The following MYOM1 variants were observed in gnomAD, a reference collection of about 807,000 sequenced individuals.
The protein encoded by MYOM1 is myomesin-1.
Under a neutral mutation model 205.3 loss-of-function variants are expected in MYOM1, and 164 were observed. The observed-to-expected ratio is 0.80, with a 90% CI of 0.70 to 0.91. The LOEUF (loss-of-function observed/expected upper bound fraction) is 0.91. Ranked by LOEUF, MYOM1 falls within the 40% of genes least tolerant of loss-of-function variation. The pLI is 0.00. For synonymous variants in MYOM1, 772 were observed against 789.4 expected (o/e 0.98, Z 0.37); for missense variants, 2,011 against 2,127.3 (o/e 0.95, Z 1.08).
chr18:3,162,849 C>A (rs1300172323), intron 10 of MYOM1, among the ~76,000 whole-genome samples: 1 of 152,014 alleles, frequency 6.6e-6, no homozygotes, highest in Non-Finnish European at 1.5e-5. Flanking sequence ...CACGGTGAAA[C>A]CCCATCTCTA....
intron 1 of MYOM1, among the ~76,000 whole-genome samples, chr18:3,217,816 C>T (rs1051880777): frequency 6.6e-6 from 1 of 151,850 alleles, no homozygotes; most frequent in African/African-American, 2.4e-5. Flanking sequence ...GACCTTGTCT[C>T]TATTATAAAA....
At chr18:3,083,595 A>ATTTT (rs59299057) in intron 33 of MYOM1, among the ~76,000 whole-genome samples, 194 bp downstream of exon 33, 3 of 107,116 alleles carry the variant, frequency 2.8e-5, no homozygotes, top group African/African-American at 7.0e-5. Flanking sequence ...CGCCCAGCTC[A>ATTTT]TTTTTTTTTT....
chr18:3,145,865 A>C (rs953242025), intron 13 of MYOM1, among the ~76,000 whole-genome samples: 4 of 152,134 alleles, frequency 2.6e-5, no homozygotes, highest in Non-Finnish European at 5.9e-5. Context: ...ACATCAATAA[A>C]GTTGATAAAC....
rs2079122720 is a variant in MYOM1 at position 3,084,157 on chromosome 18, C to T, written c.4340-130G>A. The T allele has an allele frequency of 1.4e-5, 12 of 873,210 alleles. No individual in the cohort carries two copies. In the South Asian group the frequency reaches 1.6e-4, roughly 12 times the overall value. 54.1% of individuals were successfully genotyped at this position (873,210 alleles called of 1,614,324 possible). A position where few individuals can be genotyped will look rare whatever the true frequency, so the allele number is the denominator to read the frequency against. On this transcript the variant is annotated intron_variant, in intron 31 of 37. Transcript: ENST00000356443. ...AATGGAAACAAGGTGAATTTGTCGA[C>T]CCACTGATAATGAGTATTCTTTGAG...
chr18:3,073,253 G>A lies in MYOM1; in HGVS notation c.4709-1364C>T, dbSNP rs371466341. Among the ~76,000 whole-genome samples, 5 of 152,156 alleles carry A rather than the reference G, an allele frequency of 3.3e-5. No homozygotes were observed. The South Asian group carries it at 6.2e-4, about 19-fold the overall frequency. On this transcript the variant is annotated intron_variant, in intron 36 of 37. Coordinates refer to ENST00000356443, the MANE Select transcript of MYOM1 (RefSeq NM_003803.4). ...GGGGACGAGGCACAGGATGGGTGCTGGGATCCTGGGTGCCCTCAGCCAAGC... is the reference window on the plus strand; with the variant it reads ...GGGGACGAGGCACAGGATGGGTGCTAGGATCCTGGGTGCCCTCAGCCAAGC...
chr18:3,103,532 TTTATAC>T (rs2079409792), intron 22 of MYOM1, among the ~76,000 whole-genome samples: 1 of 152,192 alleles, frequency 6.6e-6, no homozygotes, highest in Admixed American at 6.5e-5. Context: ...TCTACTCAGA[TTTATAC>T]TCATTCAATT....
chr18:3,206,484 G>T (rs1184888710), intron 2 of MYOM1, among the ~76,000 whole-genome samples: 1 of 152,186 alleles, frequency 6.6e-6, no homozygotes, highest in Non-Finnish European at 1.5e-5. Context: ...TTAGGACCCT[G>T]TGCAGAGTCG....
At position 3,189,210 on chromosome 18, in the gene MYOM1, T is replaced by A; in HGVS notation, c.432-123A>T. On this transcript the variant is annotated intron_variant, in intron 3 of 37. Coordinates refer to ENST00000356443, the MANE Select transcript of MYOM1 (RefSeq NM_003803.4). The surrounding 1 kb of genome is among the most constrained non-coding windows in gnomAD (Gnocchi z 4.8). ...TCCTGCACCAAAAGAAAATCCGACA[T>A]AGAAAAAGCAGGTGAATCAGAAGCT... 1 of 908,092 alleles carries A rather than the reference T, an allele frequency of 1.1e-6. No individual in the cohort carries two copies. Among genetic ancestry groups the A allele is most frequent in the Non-Finnish European group, 1.6e-6 (1 of 616,728 alleles). 56.3% of individuals were successfully genotyped at this position (908,092 alleles called of 1,614,324 possible).
intron 11 of MYOM1, among the ~76,000 whole-genome samples, chr18:3,153,281 C>T (rs2080245833): frequency 6.6e-6 from 1 of 152,204 alleles, no homozygotes; most frequent in Non-Finnish European, 1.5e-5. Context: ...AGTTCTGCTA[C>T]TTATTACCCG....
intron 1 of MYOM1, among the ~76,000 whole-genome samples, chr18:3,216,443 A>T (rs2081268516): frequency 6.6e-6 from 1 of 152,348 alleles, no homozygotes; most frequent in Non-Finnish European, 1.5e-5. Flanking sequence ...CAAAGCAGGT[A>T]AGAGGGATGG....
intron 9 of MYOM1, among the ~76,000 whole-genome samples, chr18:3,168,514 C>G (rs1314641517): frequency 6.6e-6 from 1 of 152,164 alleles, no homozygotes. Flanking sequence ...GTCTCAAACT[C>G]CTGACCTCAG....
intron 5 of MYOM1, 74 bp downstream of exon 5, chr18:3,187,406 T>C: frequency 6.6e-7 from 1 of 1,506,020 alleles, no homozygotes; most frequent in East Asian, 2.3e-5. Flanking sequence ...CATATGGTTG[T>C]TCTGTGTGTT....
intron 6 of MYOM1, 92 bp from the exon 7 acceptor site, chr18:3,174,300 C>G (rs2080603248): frequency 9.4e-7 from 1 of 1,069,120 alleles, no homozygotes; most frequent in Non-Finnish European, 1.4e-6. Flanking sequence ...TATCACAGCC[C>G]CCTGCAAATC....
At chr18:3,077,596 T>A (rs2079034330) in intron 34 of MYOM1, among the ~76,000 whole-genome samples, 1 of 152,206 alleles carries the variant, frequency 6.6e-6, no homozygotes, top group Admixed American at 6.5e-5. Flanking sequence ...GCCGAGCCAA[T>A]CTGTGCTTGG....
At position 3,152,446 on chromosome 18, in the gene MYOM1, TAACAG is replaced by T. The variant is rs1193384874; in HGVS notation, c.1644-558_1644-554del. Among the ~76,000 whole-genome samples, 1 of 152,196 alleles carries T rather than the reference TAACAG, an allele frequency of 6.6e-6. No individual in the cohort carries two copies. The highest frequency in any genetic ancestry group is 1.5e-5 in the Non-Finnish European group (1 of 68,042). Reference sequence around the variant, plus strand: ...GTTATTGTGAAGATGTTTGTTTCTTTAACAGAAGAGACTGATGACAGGTGGGGAGA... The same window carrying T: ...GTTATTGTGAAGATGTTTGTTTCTTTAAGAGACTGATGACAGGTGGGGAGA... On this transcript the variant is annotated intron_variant, in intron 11 of 37. Coordinates refer to ENST00000356443, the MANE Select transcript of MYOM1 (RefSeq NM_003803.4). The surrounding 1 kb of genome is among the most constrained non-coding windows in gnomAD (Gnocchi z 4.3).
At chr18:3,161,921 C>T (rs1002178745) in intron 10 of MYOM1, among the ~76,000 whole-genome samples, 3 of 152,232 alleles carry the variant, frequency 2.0e-5, no homozygotes, top group South Asian at 4.1e-4. Flanking sequence ...CCTAGAGGTC[C>T]TTCTGAGAGT....
chr18:3,162,887 A>G (rs889963044), intron 10 of MYOM1, among the ~76,000 whole-genome samples: 1 of 152,142 alleles, frequency 6.6e-6, no homozygotes, highest in East Asian at 1.9e-4. Context: ...TTAGCCGGGC[A>G]TGGTGGTGGG....
the MYOM1 span, among the ~76,000 whole-genome samples, chr18:3,234,923 A>AT: frequency 1.1e-3 from 162 of 145,402 alleles, no homozygotes; most frequent in South Asian, 1.3e-3. Context: ...ATCTCTTTAA[A>AT]TTTTTTTTTT....
chr18:3,205,588 A>G (rs2081115335), intron 2 of MYOM1, among the ~76,000 whole-genome samples: 1 of 152,214 alleles, frequency 6.6e-6, no homozygotes, highest in Admixed American at 6.5e-5. Flanking sequence ...AAGGATGTGG[A>G]TAAACTAGAA....
Sources: allele counts gnomAD v4.1 joint callset (sites outside exome capture counted in the v4.1 genomes callset), GRCh38; gene constraint gnomAD v4.1.1; non-coding constraint Gnocchi (gnomAD v3.1); transcripts MANE v1.5; gene names NCBI Gene and HGNC (gene_info 2026-07-23, HGNC 2026-07-21).